MECOM: variants seen among roughly 807,000 people sequenced by gnomAD.
MECOM encodes the protein MDS1 and EVI1 complex locus.
MECOM carries 13 observed loss-of-function variants against 116.3 expected under a neutral mutation model. The observed-to-expected ratio is 0.11, with a 90% CI of 0.07 to 0.18. The LOEUF (loss-of-function observed/expected upper bound fraction) is 0.18, where lower values mean the gene tolerates loss of function less well. Among genes scored for constraint, MECOM ranks in the 10% least tolerant of loss-of-function variants. MECOM has a pLI of 1.00. For synonymous variants in MECOM, 528 were observed against 535.2 expected (o/e 0.99, Z 0.19); for missense variants, 1,299 against 1,509.0 (o/e 0.86, Z 2.31).
chr3:169,149,935 C>CTCTGTGTG (rs1226990755), intron 2 of MECOM, among the ~76,000 whole-genome samples: 3 of 131,312 alleles, frequency 2.3e-5, no homozygotes, highest in Non-Finnish European at 4.8e-5. Context: ...TTCTCTCTCT[C>CTCTGTGTG]TGTGTGTGTG....
chr3:169,654,130 T>C (rs1045927739), intron 1 of MECOM, among the ~76,000 whole-genome samples: 7 of 152,158 alleles, frequency 4.6e-5, no homozygotes, highest in African/African-American at 1.7e-4. Flanking sequence ...CACTGACAAG[T>C]CCCATGACTA....
At chr3:169,400,029 C>T (rs1463478397) in intron 1 of MECOM, among the ~76,000 whole-genome samples, 1 of 152,122 alleles carries the variant, frequency 6.6e-6, no homozygotes, top group African/African-American at 2.4e-5. Context: ...ATACCAAGAA[C>T]AAGGTAGGTA....
chr3:169,569,777 A>C (rs1225646646), intron 1 of MECOM, among the ~76,000 whole-genome samples: 1 of 152,254 alleles, frequency 6.6e-6, no homozygotes, highest in Non-Finnish European at 1.5e-5. Context: ...GTTCTTTGAA[A>C]CTTATTTCAA....
intron 1 of MECOM, among the ~76,000 whole-genome samples, chr3:169,532,961 T>C (rs541950831): frequency 6.6e-6 from 1 of 152,196 alleles, no homozygotes; most frequent in Non-Finnish European, 1.5e-5. Flanking sequence ...GAAGGTGGTA[T>C]AGACAGTATA....
intron 1 of MECOM, among the ~76,000 whole-genome samples, chr3:169,659,901 A>C (rs946019194): frequency 4.6e-5 from 7 of 152,030 alleles, no homozygotes; most frequent in Non-Finnish European, 7.4e-5. Flanking sequence ...CAAGTGTAGG[A>C]GTAACAAGTG....
At chr3:169,621,102 T>TA (rs1770664428) in intron 1 of MECOM, among the ~76,000 whole-genome samples, 2 of 152,226 alleles carry the variant, frequency 1.3e-5, no homozygotes, top group South Asian at 4.1e-4. Context: ...CTACTCTAGC[T>TA]AAAAAATAAA....
intron 1 of MECOM, among the ~76,000 whole-genome samples, chr3:169,473,136 G>A (rs1387469630): frequency 6.6e-6 from 1 of 152,186 alleles, no homozygotes; most frequent in Non-Finnish European, 1.5e-5. Context: ...TGGAAGCTTT[G>A]TCAGAAATAC....
intron 2 of MECOM, among the ~76,000 whole-genome samples, chr3:169,248,221 C>T (rs1755829674): frequency 6.6e-6 from 1 of 152,138 alleles, no homozygotes; most frequent in Admixed American, 6.5e-5. Context: ...TAATCTGAAT[C>T]TATGAGGATA....
chr3:169,311,166 G>A (rs997462183), intron 2 of MECOM, among the ~76,000 whole-genome samples: 1 of 152,160 alleles, frequency 6.6e-6, no homozygotes, highest in Non-Finnish European at 1.5e-5. Context: ...TTGAGCACCG[G>A]ATAATAACTA....
chr3:169,362,633 G>A (rs961018967), intron 2 of MECOM, among the ~76,000 whole-genome samples: 6 of 151,960 alleles, frequency 3.9e-5, no homozygotes, highest in East Asian at 1.9e-4. Context: ...TAGATACTGC[G>A]GTTACCAATG....
intron 2 of MECOM, among the ~76,000 whole-genome samples, chr3:169,313,145 T>C (rs971095406): frequency 2.3e-4 from 35 of 152,026 alleles, no homozygotes; most frequent in African/African-American, 8.2e-4. Context: ...AAGAAAGAAA[T>C]GAATAACTGA....
At chr3:169,512,693 G>T (rs186374703) in intron 1 of MECOM, among the ~76,000 whole-genome samples, 115 of 152,252 alleles carry the variant, frequency 7.6e-4, no homozygotes, top group Non-Finnish European at 1.4e-3. Context: ...ATCAATGAAT[G>T]AATAAACTTG....
intron 2 of MECOM, among the ~76,000 whole-genome samples, chr3:169,149,080 T>TC (rs1462810742): frequency 2.0e-5 from 3 of 149,018 alleles, no homozygotes; most frequent in African/African-American, 7.4e-5. Context: ...GAGCTTTCTT[T>TC]TTTTTTTTTT....
intron 10 of MECOM, 45 bp from the exon 11 acceptor site, chr3:169,102,271 C>T: frequency 6.4e-7 from 1 of 1,555,416 alleles, no homozygotes; most frequent in Non-Finnish European, 8.7e-7. Flanking sequence ...GGCATCTTGT[C>T]TTCTATAATA....
intron 9 of MECOM, 26 bp downstream of exon 9, chr3:169,112,761 G>A (rs1177925855): frequency 6.4e-6 from 10 of 1,564,624 alleles, no homozygotes; most frequent in South Asian, 2.3e-5. Flanking sequence ...TTTACAAGCT[G>A]GAAATCTCAA....
intron 2 of MECOM, among the ~76,000 whole-genome samples, chr3:169,200,082 G>A (rs1323930324): frequency 6.6e-6 from 1 of 151,968 alleles, no homozygotes; most frequent in Non-Finnish European, 1.5e-5. Flanking sequence ...AGCTGGGGGA[G>A]GACAATGAAT....
intron 1 of MECOM, among the ~76,000 whole-genome samples, chr3:169,399,291 T>C (rs1229714761): frequency 6.6e-6 from 1 of 152,190 alleles, no homozygotes; most frequent in Non-Finnish European, 1.5e-5. Context: ...GTTTCGTTTT[T>C]GAAAGCTGTA....
At chr3:169,402,274 G>C (rs1401783004) in intron 1 of MECOM, among the ~76,000 whole-genome samples, 2 of 152,144 alleles carry the variant, frequency 1.3e-5, no homozygotes, top group Non-Finnish European at 2.9e-5. Context: ...CAGATAGAGA[G>C]AAGATTGGAA....
intron 2 of MECOM, among the ~76,000 whole-genome samples, chr3:169,217,973 C>T (rs977902695): frequency 6.6e-6 from 1 of 151,160 alleles, no homozygotes; most frequent in Non-Finnish European, 1.5e-5. Flanking sequence ...ATTATACATC[C>T]TAAATTATCA....
Sources: gnomAD v4.1 joint callset for allele counts (sites outside exome capture counted in the v4.1 genomes callset) on GRCh38, gnomAD v4.1.1 for gene constraint, MANE v1.5 for transcripts, NCBI Gene and HGNC (gene_info 2026-07-23, HGNC 2026-07-21) for gene names.